The following TRPM2 variants were observed in gnomAD, a reference collection of about 807,000 sequenced individuals.
The protein encoded by TRPM2 is estrogen-responsive element-associated gene 1 protein.
Under a neutral mutation model 174.0 loss-of-function variants are expected in TRPM2, and 161 were observed. That is an observed-to-expected ratio of 0.93 (90% confidence interval 0.81 to 1.05). TRPM2 has a LOEUF of 1.05. Ranked by LOEUF, TRPM2 falls within the 50% of genes least tolerant of loss-of-function variation. The pLI is 0.00. For synonymous variants in TRPM2, 954 were observed against 861.3 expected (o/e 1.11, Z -1.88); for missense variants, 2,057 against 2,038.0 (o/e 1.01, Z -0.18).
chr21:44,400,522 G>C (rs1394039185), intron 15 of TRPM2, 151 bp downstream of exon 15: 9 of 725,698 alleles, frequency 1.2e-5, no homozygotes, highest in Non-Finnish European at 2.0e-5. Context: ...TAGAGATGGG[G>C]GTGGGAAGCA....
At chr21:44,362,562 T>A (rs896487391) in intron 2 of TRPM2, among the ~76,000 whole-genome samples, 2 of 152,034 alleles carry the variant, frequency 1.3e-5, no homozygotes, top group African/African-American at 4.8e-5. Context: ...AGTGTTATAA[T>A]TTTTGCTTCA....
intron 27 of TRPM2, among the ~76,000 whole-genome samples, chr21:44,427,410 C>T (rs2050843265): frequency 6.6e-6 from 1 of 152,150 alleles, no homozygotes; most frequent in African/African-American, 2.4e-5. Context: ...GAGGACGATG[C>T]CTCAGAGGAT....
chr21:44,374,930 G>GT lies in TRPM2; in HGVS notation c.772-895dup, dbSNP rs202174926. Reference sequence around the variant, plus strand: ...TCCTTCTGAGCCCTTACTGCGAGTTGTTTTTTTTCTGAGACAGGGTCTCAC... The same window carrying GT: ...TCCTTCTGAGCCCTTACTGCGAGTTGTTTTTTTTTCTGAGACAGGGTCTCAC... On this transcript the variant is annotated intron_variant, in intron 5 of 31. Transcript: ENST00000397928. 9.6e-3 allele frequency among the ~76,000 whole-genome samples: 1,457 copies of GT among 151,902 alleles called. 26 individuals are homozygous for GT. Among genetic ancestry groups the GT allele is most frequent in the African/African-American group, 0.033 (1,372 of 41,388 alleles).
At chr21:44,386,854 A>G (rs1379174585) in intron 9 of TRPM2, among the ~76,000 whole-genome samples, 1 of 152,182 alleles carries the variant, frequency 6.6e-6, no homozygotes, top group Non-Finnish European at 1.5e-5. Context: ...TAAACTCACT[A>G]CAAAGCTATA....
At chr21:44,395,610 G>T (rs1379061582) in intron 12 of TRPM2, 59 bp downstream of exon 12, 9 of 1,604,016 alleles carry the variant, frequency 5.6e-6, no homozygotes, top group Non-Finnish European at 5.1e-6. Flanking sequence ...GGCCAGCTGG[G>T]GAGTGTGGCT....
Position 44,375,906 on chromosome 21 carries a change from C to T in TRPM2, c.845C>T (p.Ser282Phe). ...CTGACCTGCCTAGACAGCAACCACT[C>T]TCACTTCATCCTCGTGGACGACGGG... ...GNLTCLDSNH[S>F]HFILVDDGTH... Residue 282 changes from serine (S) to phenylalanine (F), a missense_variant, in exon 6 of 32, where the codon TCT (serine) becomes TTT (phenylalanine). Ser to Phe is a radical substitution (Grantham distance 155). Transcript: ENST00000397928. The T allele has an allele frequency of 1.2e-6, 2 of 1,614,142 alleles. No individual in the cohort carries two copies. The highest frequency in any genetic ancestry group is 8.5e-7 in the Non-Finnish European group (1 of 1,180,014).
chr21:44,352,859 A>C (rs2047949787), upstream of TRPM2, among the ~76,000 whole-genome samples: 1 of 152,232 alleles, frequency 6.6e-6, no homozygotes, highest in African/African-American at 2.4e-5. Context: ...GTACTCCCCA[A>C]AACTTCCTTT....
At chr21:44,408,891 C>T (rs2049997789) in intron 19 of TRPM2, among the ~76,000 whole-genome samples, 1 of 151,860 alleles carries the variant, frequency 6.6e-6, no homozygotes, top group Non-Finnish European at 1.5e-5. Context: ...CTCCTGACCT[C>T]GTGATCCACC....
intron 15 of TRPM2, 21 bp from the exon 16 acceptor site, chr21:44,401,658 CCT>C (rs1247855872): frequency 1.2e-6 from 2 of 1,609,670 alleles, no homozygotes; most frequent in Non-Finnish European, 1.7e-6. Context: ...GTCACTGTCT[CCT>C]CTCTGCTGTG....
In TRPM2 at chr21:44,418,545, A is replaced by G. The variant is rs766532661; in HGVS notation, c.3451A>G (p.Ile1151Val). 5.0e-6 allele frequency: 8 copies of G among 1,613,928 alleles called. No homozygotes were observed. Among genetic ancestry groups the G allele is most frequent in the African/African-American group, 1.3e-5 (1 of 74,944 alleles). ...KQRPEQKIED[I>V]SNKVDAMVDL... ...GCGGCCCGAGCAGAAGATCGAGGAC[A>G]TCAGCAATAAGTATGGGGGCTCCGG... The change falls in exon 22 of 32, where the codon ATC becomes GTC. Residue 1151 changes from isoleucine (I) to valine (V), a missense_variant. Transcript: ENST00000397928.
Position 44,405,974 on chromosome 21 carries a change from G to A in TRPM2, c.2727G>A (p.Arg909=). Residue 909 remains arginine, a synonymous_variant, in exon 18 of 32, where the codon CGG becomes CGA. Coordinates refer to ENST00000397928, the MANE Select transcript of TRPM2 (RefSeq NM_003307.4). ...LSLDFILFCL[R]LMHIFTISKT... ...TGGACTTCATCCTGTTCTGCCTCCGGCTCATGCACATTTTTACCATCAGTA... is the reference window on the plus strand; with the variant it reads ...TGGACTTCATCCTGTTCTGCCTCCGACTCATGCACATTTTTACCATCAGTA... The A allele has an allele frequency of 6.2e-7, 1 of 1,608,794 alleles. No individual in the cohort carries two copies.
Position 44,399,007 on chromosome 21 carries a change from G to A in TRPM2, c.2063-289G>A, listed in dbSNP as rs2049521030. Among the ~76,000 whole-genome samples the A allele has an allele frequency of 6.6e-6, 1 of 152,124 alleles. No homozygotes were observed. The highest frequency in any genetic ancestry group is 6.6e-5 in the Admixed American group (1 of 15,266). On this transcript the variant is annotated intron_variant, in intron 13 of 31. Coordinates refer to ENST00000397928, the MANE Select transcript of TRPM2 (RefSeq NM_003307.4). The surrounding 1 kb of genome is among the most constrained non-coding windows in gnomAD (Gnocchi z 4.6). ...GTGGCCTATGCCCAGGAATGGACAA[G>A]GGCAGCTTGGAGGTTAGAGGCAAGA...
At chr21:44,407,968 T>TC (rs1289309528) in intron 19 of TRPM2, among the ~76,000 whole-genome samples, 3 of 151,998 alleles carry the variant, frequency 2.0e-5, no homozygotes, top group Non-Finnish European at 4.4e-5. Flanking sequence ...CGCTCTGTTT[T>TC]CTTTTTCCCG....
At position 44,417,982 on chromosome 21, in the gene TRPM2, C is replaced by A. The variant is rs1174054644; in HGVS notation, c.3202C>A (p.His1068Asn). Residue 1068 changes from histidine to asparagine, a missense_variant, in exon 21 of 32, where the codon CAT becomes AAT. Transcript: ENST00000397928. ...HTDQIWKFQRHDLIEEYHGRP... is the reference protein window; with the variant it reads ...HTDQIWKFQRNDLIEEYHGRP... ...GGACCAGATTTGGAAGTTCCAGCGC[C>A]ATGACCTGATCGAGGAGTACCACGG... The A allele has an allele frequency of 6.2e-7, 1 of 1,613,104 alleles. No individual in the cohort carries two copies. The highest frequency in any genetic ancestry group is 1.1e-5 in the South Asian group (1 of 91,084).
chr21:44,406,858 T>A, intron 19 of TRPM2, 93 bp downstream of exon 19: 2 of 1,477,822 alleles, frequency 1.4e-6, no homozygotes, highest in Non-Finnish European at 1.8e-6. Flanking sequence ...TGAGGCCGGC[T>A]CCATCAGGGG....
At chr21:44,392,108 G>A (rs987356318) in intron 11 of TRPM2, among the ~76,000 whole-genome samples, 4 of 151,900 alleles carry the variant, frequency 2.6e-5, no homozygotes, top group Middle Eastern at 3.4e-3. Flanking sequence ...GGGACTACAG[G>A]TATGCGCCAC....
At chr21:44,423,581 C>T (rs775099967) in intron 22 of TRPM2, 64 bp from the exon 23 acceptor site, 488 of 1,387,324 alleles carry the variant, frequency 3.5e-4, no homozygotes, top group Non-Finnish European at 4.4e-4. Flanking sequence ...GTCTGCAGAG[C>T]GGTGTGGCGT....
At chr21:44,428,144 A>T (rs1601243046) in intron 27 of TRPM2, among the ~76,000 whole-genome samples, 1 of 152,096 alleles carries the variant, frequency 6.6e-6, no homozygotes. Flanking sequence ...TGCGAATCAT[A>T]TTTTCATTAT....
intron 8 of TRPM2, among the ~76,000 whole-genome samples, chr21:44,381,397 A>G (rs1037362856): frequency 9.3e-5 from 14 of 151,016 alleles, no homozygotes; most frequent in African/African-American, 3.4e-4. Flanking sequence ...GGATGGATGG[A>G]TGGATGGTGG....
Sources: gnomAD v4.1 joint callset for allele counts (sites outside exome capture counted in the v4.1 genomes callset) on GRCh38, gnomAD v4.1.1 for gene constraint, Gnocchi (gnomAD v3.1) non-coding constraint, MANE v1.5 for transcripts, NCBI Gene and HGNC (gene_info 2026-07-23, HGNC 2026-07-21) for gene names.